RUNDC3B: variants seen among roughly 807,000 people sequenced by gnomAD.
RUNDC3B encodes the protein RUN domain containing 3B.
A neutral mutation model predicts 58.4 loss-of-function variants in RUNDC3B; 33 were observed. The ratio of observed to expected loss-of-function variants is 0.56; its 90% CI spans 0.43 to 0.75. The LOEUF (loss-of-function observed/expected upper bound fraction) is 0.75, where lower values mean the gene tolerates loss of function less well. Among genes scored for constraint, RUNDC3B ranks in the 30% least tolerant of loss-of-function variants. The pLI is 0.00. For synonymous variants in RUNDC3B, 193 were observed against 195.2 expected, an observed-to-expected ratio of 0.99 and a Z score of 0.10; for missense variants, 501 against 535.7, an observed-to-expected ratio of 0.94 and a Z score of 0.64.
intron 8 of RUNDC3B, among the ~76,000 whole-genome samples, chr7:87,784,133 A>G (rs528512071): frequency 1.3e-5 from 2 of 152,216 alleles, no homozygotes; most frequent in South Asian, 4.2e-4. Context: ...CAACTCTTAG[A>G]TCATTTCACT....
chr7:87,763,677 T>A (rs543471808), intron 6 of RUNDC3B, among the ~76,000 whole-genome samples: 5 of 151,884 alleles, frequency 3.3e-5, no homozygotes, highest in African/African-American at 1.2e-4. Flanking sequence ...TGAAATACAT[T>A]TAATTTTTAA....
At chr7:87,824,852 G>A (rs984055486) in intron 10 of RUNDC3B, among the ~76,000 whole-genome samples, 1 of 152,160 alleles carries the variant, frequency 6.6e-6, no homozygotes, top group Non-Finnish European at 1.5e-5. Flanking sequence ...ATAGAGACTT[G>A]TGGAACTTTG....
intron 2 of RUNDC3B, among the ~76,000 whole-genome samples, chr7:87,687,561 G>A (rs1283957856): frequency 1.3e-5 from 2 of 152,106 alleles, no homozygotes; most frequent in Non-Finnish European, 2.9e-5. Context: ...ATCTTCATCT[G>A]TTTTGTTCAT....
chr7:87,685,160 C>T (rs1280435665), intron 2 of RUNDC3B, among the ~76,000 whole-genome samples: 7 of 151,824 alleles, frequency 4.6e-5, no homozygotes, highest in African/African-American at 1.5e-4. Flanking sequence ...AGGCATAGAC[C>T]AGGAAAAAAT....
In RUNDC3B at chr7:87,816,255, G is replaced by A. The variant is rs772748384; in HGVS notation, c.1218G>A (p.Met406Ile). Residue 406 changes from methionine (M) to isoleucine (I), a missense_variant, in exon 10 of 11, where the codon ATG becomes ATA. Met to Ile is a conservative substitution (Grantham distance 10). Coordinates refer to ENST00000394654, the MANE Select transcript of RUNDC3B (RefSeq NM_001134405.2). ...GDGKQDTLNV[M>I]SEGKEDTPSL... ...GAAAACAAGACACATTAAATGTAAT[G>A]AGTGAAGGTAAGAAAACAAAGAACT... 6.5e-5 allele frequency: 104 copies of A among 1,609,512 alleles called. No individual in the cohort carries two copies. The highest frequency in any genetic ancestry group is 8.2e-5 in the Non-Finnish European group (96 of 1,177,652).
intron 1 of RUNDC3B, among the ~76,000 whole-genome samples, chr7:87,632,010 C>T (rs540699315): frequency 7.9e-5 from 12 of 151,756 alleles, no homozygotes; most frequent in East Asian, 3.9e-4. Flanking sequence ...AGCTAAATTA[C>T]GTATGTGCAT....
At chr7:87,807,196 A>T (rs1836481792) in intron 8 of RUNDC3B, among the ~76,000 whole-genome samples, 177 bp from the exon 9 acceptor site, 1 of 152,156 alleles carries the variant, frequency 6.6e-6, no homozygotes, top group African/African-American at 2.4e-5. Context: ...TGAAGAACAC[A>T]TATTGCAGGA....
At chr7:87,746,845 C>A (rs548457730) in intron 6 of RUNDC3B, among the ~76,000 whole-genome samples, 1 of 152,292 alleles carries the variant, frequency 6.6e-6, no homozygotes, top group South Asian at 2.1e-4. Context: ...CCCTTGCATT[C>A]ATTGTGCTCT....
chr7:87,728,559 G>A (rs1460324978), intron 4 of RUNDC3B, among the ~76,000 whole-genome samples: 2 of 152,130 alleles, frequency 1.3e-5, no homozygotes, highest in Non-Finnish European at 2.9e-5. Flanking sequence ...TTGGCTCATG[G>A]CCCTGCAACA....
At chr7:87,719,677 T>TA (rs1563160922) in intron 4 of RUNDC3B, among the ~76,000 whole-genome samples, 1 of 151,652 alleles carries the variant, frequency 6.6e-6, no homozygotes, top group African/African-American at 2.4e-5. Flanking sequence ...AAGTAAAAAA[T>TA]AAACTTTAGT....
chr7:87,726,496 A>G (rs373587606), intron 4 of RUNDC3B, among the ~76,000 whole-genome samples: 5 of 151,840 alleles, frequency 3.3e-5, no homozygotes, highest in Non-Finnish European at 7.4e-5. Context: ...TTACTGTAGC[A>G]TTGTAGTATA....
intron 3 of RUNDC3B, among the ~76,000 whole-genome samples, chr7:87,710,315 C>A (rs1829958871): frequency 6.6e-6 from 1 of 152,028 alleles, no homozygotes; most frequent in South Asian, 2.1e-4. Context: ...CCAAGTAACT[C>A]AGTATTAACG....
At chr7:87,707,385 G>A (rs1221082714) in intron 3 of RUNDC3B, among the ~76,000 whole-genome samples, 2 of 152,094 alleles carry the variant, frequency 1.3e-5, no homozygotes, top group Non-Finnish European at 2.9e-5. Context: ...ATTGGAATAT[G>A]TTAAAATTCA....
intron 8 of RUNDC3B, among the ~76,000 whole-genome samples, chr7:87,792,891 A>G (rs1261528012): frequency 1.3e-5 from 2 of 152,078 alleles, no homozygotes; most frequent in Non-Finnish European, 2.9e-5. Context: ...AAACTATACA[A>G]AAGACTGATG....
intron 2 of RUNDC3B, among the ~76,000 whole-genome samples, chr7:87,683,747 A>G (rs1021645787): frequency 1.3e-5 from 2 of 152,244 alleles, no homozygotes; most frequent in Non-Finnish European, 2.9e-5. Flanking sequence ...AGAATTACCA[A>G]AACATGACAG....
intron 6 of RUNDC3B, among the ~76,000 whole-genome samples, chr7:87,754,955 A>G (rs907862621): frequency 1.3e-5 from 2 of 151,584 alleles, no homozygotes; most frequent in African/African-American, 4.8e-5. Flanking sequence ...AAAAAAAAAA[A>G]AAAAAAGCCC....
At chr7:87,774,707 A>G (rs1442797595) in intron 7 of RUNDC3B, among the ~76,000 whole-genome samples, 1 of 152,222 alleles carries the variant, frequency 6.6e-6, no homozygotes, top group Non-Finnish European at 1.5e-5. Flanking sequence ...CCCGCCAAAA[A>G]AAACTATTAT....
At chr7:87,763,754 C>A (rs1339320049) in intron 6 of RUNDC3B, among the ~76,000 whole-genome samples, 1 of 151,564 alleles carries the variant, frequency 6.6e-6, no homozygotes, top group East Asian at 1.9e-4. Context: ...CTGTTTTATC[C>A]AAAACCATGG....
intron 7 of RUNDC3B, among the ~76,000 whole-genome samples, chr7:87,773,990 G>A (rs1834474199): frequency 6.6e-6 from 1 of 151,796 alleles, no homozygotes; most frequent in Non-Finnish European, 1.5e-5. Flanking sequence ...TCTTTTTATG[G>A]AGCACACTAG....
Sources: gnomAD v4.1 joint callset for allele counts (sites outside exome capture counted in the v4.1 genomes callset) on GRCh38, gnomAD v4.1.1 for gene constraint, MANE v1.5 for transcripts, NCBI Gene and HGNC (gene_info 2026-07-23, HGNC 2026-07-21) for gene names.